CEP162: variants seen among roughly 807,000 people sequenced by gnomAD.
CEP162 encodes the protein centrosomal protein 162.
CEP162 carries 141 observed loss-of-function variants against 169.2 expected under a neutral mutation model. That is an observed-to-expected ratio of 0.83 (90% CI 0.73 to 0.96). The LOEUF (loss-of-function observed/expected upper bound fraction) is 0.96, where lower values mean the gene tolerates loss of function less well. Among genes scored for constraint, CEP162 ranks in the 40% least tolerant of loss-of-function variants. CEP162 has a pLI of 0.00. For synonymous variants in CEP162, 540 were observed against 526.4 expected, an observed-to-expected ratio of 1.03 and a Z score of -0.35; for missense variants, 1,600 against 1,587.2, an observed-to-expected ratio of 1.01 and a Z score of -0.14.
At chr6:84,221,009 G>T in intron 3 of CEP162, 48 bp downstream of exon 3, 1 of 945,344 alleles carries the variant, frequency 1.1e-6, no homozygotes, top group South Asian at 1.4e-5. Flanking sequence ...AGTCTTGACT[G>T]ACCCCTTGTG....
chr6:84,185,509 G>T, intron 12 of CEP162, 61 bp from the exon 13 acceptor site: 1 of 1,400,714 alleles, frequency 7.1e-7, no homozygotes, highest in Non-Finnish European at 9.8e-7. Flanking sequence ...TGTTGTAAAT[G>T]AATATTTAAT....
intron 25 of CEP162, among the ~76,000 whole-genome samples, chr6:84,128,260 A>G (rs1473511464): frequency 1.3e-5 from 2 of 152,212 alleles, no homozygotes; most frequent in African/African-American, 2.4e-5. Context: ...GCACCTACCT[A>G]AAAGAACCTT....
chr6:84,125,353 G>C, intron 26 of CEP162, 77 bp from the exon 27 acceptor site: 2 of 1,271,066 alleles, frequency 1.6e-6, no homozygotes, highest in Non-Finnish European at 2.2e-6. Context: ...CTTAAAGTAG[G>C]CAAACCTGGG....
chr6:84,148,376 A>C (rs1257973234), intron 24 of CEP162, among the ~76,000 whole-genome samples: 1 of 152,078 alleles, frequency 6.6e-6, no homozygotes, highest in East Asian at 1.9e-4. Flanking sequence ...CAAAAATATA[A>C]AAATTAGTCA....
intron 6 of CEP162, among the ~76,000 whole-genome samples, chr6:84,204,923 C>T (rs1588871268): frequency 6.6e-6 from 1 of 152,114 alleles, no homozygotes; most frequent in African/African-American, 2.4e-5. Context: ...ATACAAACCA[C>T]CATCGGAGAA....
intron 6 of CEP162, among the ~76,000 whole-genome samples, chr6:84,209,815 A>G (rs1261964789): frequency 6.6e-6 from 1 of 152,206 alleles, no homozygotes; most frequent in African/African-American, 2.4e-5. Flanking sequence ...AGCAGCCTAC[A>G]GGCAAATACT....
In CEP162 at chr6:84,198,335, T is replaced by C. The variant is rs145114128; in HGVS notation, c.835+2454A>G. The stretch of plus-strand genomic sequence containing the variant: ...CTCCATCACCCAGGCTGGAGTGCAG[T>C]GGCATGAACTTGGCTCACTGCAACC... On this transcript the variant is annotated intron_variant, in intron 9 of 26. Coordinates refer to ENST00000403245, the MANE Select transcript of CEP162 (RefSeq NM_014895.4). Among the ~76,000 whole-genome samples, 1,173 of 152,224 alleles carry C rather than the reference T, an allele frequency of 7.7e-3. 14 individuals are homozygous for C. Among genetic ancestry groups the C allele is most frequent in the African/African-American group, 0.027 (1,119 of 41,522 alleles).
Position 84,153,009 on chromosome 6 carries a change from C to T in CEP162, c.3165G>A (p.Gln1055=), listed in dbSNP as rs942188677. 1 of 1,613,564 alleles carries T rather than the reference C, an allele frequency of 6.2e-7. No homozygotes were observed. Among genetic ancestry groups the T allele is most frequent in the Non-Finnish European group, 8.5e-7 (1 of 1,179,734 alleles). The part of the protein sequence containing the change: ...LEAEIDVLKH[Q]NAELDVKKND... ...TTTTCTTGACGTCTAATTCAGCATT[C>T]TGATGTTTAAGAACGTCTATTTCGG... Residue 1055 remains glutamine (Q), a synonymous_variant, in exon 23 of 27, where the codon CAG becomes CAA. Transcript: ENST00000403245.
rs112390390 is a variant in CEP162, at chr6:84,170,665, C to T, written c.2279+941G>A. The stretch of plus-strand genomic sequence containing the variant: ...CATGATACTCATGGGTCAGAAACTT[C>T]TGAGAACAGTCCTTTCTGAGTGATT... On this transcript the variant is annotated intron_variant, in intron 17 of 26. Transcript: ENST00000403245. Among the ~76,000 whole-genome samples, 992 of 152,248 alleles carry T rather than the reference C, an allele frequency of 6.5e-3. 7 individuals carry two copies. Among genetic ancestry groups the T allele is most frequent in the African/African-American group, 0.023 (943 of 41,554 alleles).
intron 15 of CEP162, among the ~76,000 whole-genome samples, 168 bp downstream of exon 15, chr6:84,174,559 T>C (rs561290193): frequency 3.7e-4 from 56 of 152,320 alleles, no homozygotes; most frequent in African/African-American, 1.2e-3. Flanking sequence ...GTTCAAAATT[T>C]AGGCTCTCAT....
chr6:84,207,275 T>C (rs1037578220), intron 6 of CEP162, among the ~76,000 whole-genome samples: 1 of 152,190 alleles, frequency 6.6e-6, no homozygotes, highest in Non-Finnish European at 1.5e-5. Flanking sequence ...ACATGTATGT[T>C]TATTGTGGCA....
Position 84,152,752 on chromosome 6 carries a change from T to G in CEP162, c.3422A>C (p.His1141Pro). ...GGAGTTAGCATTTCCTTTACTTGAG[T>G]GCAAAACATCTTTCTTTGCCCTTTT... ...SAKRAKKDVL[H>P]SSKGNANSFP... The change falls in exon 23 of 27, where the codon CAC (histidine) becomes CCC (proline). Residue 1141 changes from histidine (H) to proline (P), a missense_variant. Coordinates refer to ENST00000403245, the MANE Select transcript of CEP162 (RefSeq NM_014895.4). 1 of 1,613,392 alleles carries G rather than the reference T, an allele frequency of 6.2e-7. No individual in the cohort carries two copies. Among genetic ancestry groups the G allele is most frequent in the Non-Finnish European group, 8.5e-7 (1 of 1,179,626 alleles).
chr6:84,168,541 G>A (rs989929746), intron 18 of CEP162, among the ~76,000 whole-genome samples: 2 of 152,106 alleles, frequency 1.3e-5, no homozygotes, highest in Non-Finnish European at 2.9e-5. Flanking sequence ...ATTCTCAAAG[G>A]GAGGGGTGGG....
chr6:84,203,268 C>T (rs1046310492), intron 7 of CEP162, among the ~76,000 whole-genome samples: 2 of 152,016 alleles, frequency 1.3e-5, no homozygotes, highest in South Asian at 2.1e-4. Flanking sequence ...AAGTTTCAGA[C>T]GTTAATGTTG....
chr6:84,217,022 T>C (rs1442042138), intron 3 of CEP162, among the ~76,000 whole-genome samples: 1 of 152,220 alleles, frequency 6.6e-6, no homozygotes, highest in Non-Finnish European at 1.5e-5. Flanking sequence ...TGACAAACTA[T>C]GTACCTAGAA....
At chr6:84,167,064 T>G (rs2099528125) in intron 18 of CEP162, among the ~76,000 whole-genome samples, 1 of 152,184 alleles carries the variant, frequency 6.6e-6, no homozygotes, top group Non-Finnish European at 1.5e-5. Flanking sequence ...AATGTGGACT[T>G]TTACTCATTT....
chr6:84,178,076 G>A (rs1444010647), intron 13 of CEP162, among the ~76,000 whole-genome samples: 18 of 152,192 alleles, frequency 1.2e-4, no homozygotes, highest in Admixed American at 1.2e-3. Context: ...GTGAGACTTA[G>A]AATTTGTAGC....
chr6:84,221,306 C>T (rs187206208), intron 2 of CEP162, 135 bp from the exon 3 acceptor site: 6 of 470,822 alleles, frequency 1.3e-5, no homozygotes, highest in African/African-American at 6.0e-5. Context: ...TCATCAATAA[C>T]GTATAATTTC....
Position 84,194,912 on chromosome 6 carries a change from ATTCTC to A in CEP162, c.994_998del (p.Glu332PhefsTer10), listed in dbSNP as rs1562068860. 1 of 1,607,728 alleles carries A rather than the reference ATTCTC, an allele frequency of 6.2e-7. No individual in the cohort carries two copies. On this transcript the variant is annotated frameshift_variant, in exon 10 of 27. Coordinates refer to ENST00000403245, the MANE Select transcript of CEP162 (RefSeq NM_014895.4). LOFTEE classifies it high-confidence loss of function. ...ATTCCATAGTAGAGATGTTTTTTGA[ATTCTC>A]TTCATTTTCTTGAGGATGACCTTTC...
Sources: gnomAD v4.1 joint callset for allele counts (sites outside exome capture counted in the v4.1 genomes callset) on GRCh38, gnomAD v4.1.1 for gene constraint, MANE v1.5 for transcripts, NCBI Gene and HGNC (gene_info 2026-07-23, HGNC 2026-07-21) for gene names.